POLE: variants seen among roughly 807,000 people sequenced by gnomAD.
POLE encodes DNA polymerase epsilon catalytic subunit A.
A neutral mutation model predicts 279.2 loss-of-function variants in POLE; 188 were observed. The ratio of observed to expected loss-of-function variants is 0.67; its 90% CI spans 0.60 to 0.76. The LOEUF is 0.76. Among genes scored for constraint, POLE ranks in the 30% least tolerant of loss-of-function variants. The pLI is 0.00. For missense variants in POLE, 2,703 were observed against 3,016.7 expected (o/e 0.90, Z 2.44); for synonymous variants, 1,214 against 1,172.5 (o/e 1.04, Z -0.72).
intron 45 of POLE, among the ~76,000 whole-genome samples, chr12:132,629,197 T>C (rs529860289): frequency 1.3e-5 from 2 of 152,330 alleles, no homozygotes; most frequent in Admixed American, 6.5e-5. Flanking sequence ...CCACTGTCAA[T>C]GAGCAGTACT....
rs757774039 is a variant in POLE, at chr12:132,634,295, T to TTCC, written c.5892_5894dup (p.Glu1966dup). 2 of 1,614,216 alleles carry TTCC rather than the reference T, an allele frequency of 1.2e-6. No homozygotes were observed. Among genetic ancestry groups the TTCC allele is most frequent in the East Asian group, 2.2e-5 (1 of 44,884 alleles). On this transcript the variant is annotated inframe_insertion, in exon 43 of 49. Transcript: ENST00000320574. This position sits in a 1 kb window ranked among gnomAD's most constrained non-coding sequence, Gnocchi z 4.0. ...CCTCCACGTTGGATTCCTCCGCCTC[T>TTCC]TCCTCCTCCTCCCCATCTCTTTCCT... is the stretch of plus-strand genomic sequence containing the variant.
intron 5 of POLE, 127 bp downstream of exon 5, chr12:132,679,827 T>C: frequency 4.1e-6 from 4 of 985,828 alleles, no homozygotes; most frequent in Admixed American, 2.4e-5. Flanking sequence ...AGGAATTTTA[T>C]AGACGGTCAC....
Position 132,687,329 on chromosome 12 carries a change from A to G in POLE, c.-14T>C, listed in dbSNP as rs2043300854. 1.3e-6 allele frequency: 2 copies of G among 1,494,426 alleles called. No individual in the cohort carries two copies. The allele number at this position is 1,494,426 out of a possible 1,614,324, so 92.6% of individuals were successfully genotyped here. A position where few individuals can be genotyped will look rare whatever the true frequency, so the allele number is the denominator to read the frequency against. ...CCTCAGAGACATGGAGCCGTTGGCT[A>G]CCACCTCTGCTTCAGGGGAGAAATT... is the stretch of plus-strand genomic sequence containing the variant. On this transcript the variant is annotated 5_prime_UTR_variant, in exon 1 of 49. Transcript: ENST00000320574.
At chr12:132,646,600 G>A (rs1251471862) in intron 32 of POLE, among the ~76,000 whole-genome samples, 3 of 151,550 alleles carry the variant, frequency 2.0e-5, no homozygotes, top group African/African-American at 7.3e-5. Flanking sequence ...GGGAGGCCGA[G>A]GTGGATGGAT....
chr12:132,673,552 C>G lies in POLE; in HGVS notation c.1359+23G>C, dbSNP rs2135998807. Reference sequence around the variant, plus strand: ...GGATGCGTGCACACGGCAGCAGGGGCAGCCGGGATGTGGCTTACGTGCCTG... The same window carrying G: ...GGATGCGTGCACACGGCAGCAGGGGGAGCCGGGATGTGGCTTACGTGCCTG... On this transcript the variant is annotated intron_variant, in intron 13 of 48. Transcript: ENST00000320574. 1.9e-6 allele frequency: 3 copies of G among 1,595,380 alleles called. 1 individual carries two copies. The highest frequency in any genetic ancestry group is 2.2e-5 in the South Asian group (2 of 89,932).
chr12:132,675,943 GC>G lies in POLE; in HGVS notation c.1021-124del. On this transcript the variant is annotated intron_variant, in intron 10 of 48. Coordinates refer to ENST00000320574, the MANE Select transcript of POLE (RefSeq NM_006231.4). The surrounding 1 kb of genome is among the most constrained non-coding windows in gnomAD (Gnocchi z 4.3). ...GCCCTTATTCCTGCCCCGCCCCTCC[GC>G]CCGTCTCTGGCAGAAAAGACGGTCA... The G allele has an allele frequency of 1.1e-6, 1 of 945,522 alleles. No individual in the cohort carries two copies. Among genetic ancestry groups the G allele is most frequent in the South Asian group, 1.4e-5 (1 of 70,250 alleles). 58.6% of individuals were successfully genotyped at this position (945,522 alleles called of 1,614,324 possible).
chr12:132,639,422 G>T lies in POLE; in HGVS notation c.5379-124C>A. On this transcript the variant is annotated intron_variant, in intron 39 of 48. Transcript: ENST00000320574. The surrounding 1 kb of genome is among the most constrained non-coding windows in gnomAD (Gnocchi z 4.7). ...GGCTGGGTCCAAATCCGTCACTGTCGCCTCCCCTTCTCACTGTCCCCACCT... is the reference window on the plus strand; with the variant it reads ...GGCTGGGTCCAAATCCGTCACTGTCTCCTCCCCTTCTCACTGTCCCCACCT... 1.2e-6 allele frequency: 1 copy of T among 811,716 alleles called. No individual in the cohort carries two copies. The highest frequency in any genetic ancestry group is 2.0e-6 in the Non-Finnish European group (1 of 510,816). The allele number at this position is 811,716 out of a possible 1,614,324, so 50.3% of individuals were successfully genotyped here.
intron 29 of POLE, among the ~76,000 whole-genome samples, chr12:132,656,845 T>C (rs1404813330): frequency 6.6e-6 from 1 of 152,248 alleles, no homozygotes; most frequent in African/African-American, 2.4e-5. Context: ...AAACTGGGGC[T>C]TCAAGAGACA....
Position 132,667,516 on chromosome 12 carries a change from T to C in POLE, c.2306A>G (p.Lys769Arg), listed in dbSNP as rs2135969307. ...CTCAGAGCTCACCTTGTGGAGCCCT[T>C]TGAACTCGTAACGCCTGTCCCGGAA... The part of the protein sequence containing the change: ...RAFRDRRYEF[K>R]GLHKVWKKKL... Residue 769 changes from lysine to arginine, a missense_variant, in exon 20 of 49, where the codon AAA (lysine) becomes AGA (arginine). Transcript: ENST00000320574. The C allele has an allele frequency of 6.2e-7, 1 of 1,614,120 alleles. No homozygotes were observed. The highest frequency in any genetic ancestry group is 8.5e-7 in the Non-Finnish European group (1 of 1,179,980).
At chr12:132,627,669 G>A (rs968886275) in intron 45 of POLE, among the ~76,000 whole-genome samples, 1 of 152,206 alleles carries the variant, frequency 6.6e-6, no homozygotes, top group African/African-American at 2.4e-5. Context: ...AACAATGTAT[G>A]TACCTTAATT....
chr12:132,657,067 C>T (rs2042557909), intron 29 of POLE, 69 bp downstream of exon 29: 16 of 1,535,482 alleles, frequency 1.0e-5, no homozygotes, highest in Admixed American at 1.7e-5. Context: ...CACACAGCAG[C>T]GCAAGAAGCC....
chr12:132,659,660 T>C, intron 25 of POLE, 151 bp from the exon 26 acceptor site: 2 of 625,628 alleles, frequency 3.2e-6, no homozygotes, highest in Non-Finnish European at 5.6e-6. Context: ...TGTGTGGCAA[T>C]ACTTTAAAAC....
rs2043060935 is a variant in POLE at position 132,676,654 on chromosome 12, C to CT, written c.802-2dup. The CT allele has an allele frequency of 2.5e-6, 4 of 1,602,378 alleles. No homozygotes were observed. The East Asian group carries it at 8.9e-5, about 36-fold the overall frequency. ...TGTCAAATGCCAAAACCACAGGGTC[C>CT]TGTGGGGACAAAATAAGCATAAAGC... is the stretch of plus-strand genomic sequence containing the variant. On this transcript the variant is annotated splice_acceptor_variant, in intron 8 of 48. Coordinates refer to ENST00000320574, the MANE Select transcript of POLE (RefSeq NM_006231.4). LOFTEE classifies it high-confidence loss of function.
At chr12:132,645,785 GACACACACACACACCC>G (rs906079078) in intron 32 of POLE, among the ~76,000 whole-genome samples, 4 of 118,582 alleles carry the variant, frequency 3.4e-5, no homozygotes, top group African/African-American at 1.6e-4. Context: ...AAATTAGACC[GACACACACACACACCC>G]ACACACACAC....
intron 42 of POLE, among the ~76,000 whole-genome samples, chr12:132,635,653 A>G (rs1358571209): frequency 6.6e-6 from 1 of 152,180 alleles, no homozygotes; most frequent in Admixed American, 6.5e-5. Flanking sequence ...TCACCACCTC[A>G]TGGGCCTCCA....
chr12:132,633,315 A>C (rs2041972034), intron 43 of POLE: 1 of 153,462 alleles, frequency 6.5e-6, no homozygotes, highest in Non-Finnish European at 1.4e-5. Flanking sequence ...AGGTGTGCGC[A>C]CCACACCTGG....
intron 33 of POLE, 104 bp downstream of exon 33, chr12:132,643,733 A>C (rs927489062): frequency 4.8e-6 from 7 of 1,469,680 alleles, no homozygotes; most frequent in Non-Finnish European, 6.5e-6. Flanking sequence ...GAACGAGTCC[A>C]CTGTCGCTGC....
chr12:132,626,619 A>G (rs955225835), intron 45 of POLE, among the ~76,000 whole-genome samples: 4 of 152,170 alleles, frequency 2.6e-5, no homozygotes, highest in Admixed American at 2.6e-4. Flanking sequence ...ATCCCCTGAT[A>G]CTAGAACCAA....
intron 1 of POLE, among the ~76,000 whole-genome samples, chr12:132,682,987 A>G (rs1565983378): frequency 6.6e-6 from 1 of 152,074 alleles, no homozygotes; most frequent in Non-Finnish European, 1.5e-5. Context: ...ACAAGATAAA[A>G]AAAGAAAGGA....
Sources: allele counts gnomAD v4.1 joint callset (sites outside exome capture counted in the v4.1 genomes callset), GRCh38; gene constraint gnomAD v4.1.1; non-coding constraint Gnocchi (gnomAD v3.1); transcripts MANE v1.5; gene names NCBI Gene and HGNC (gene_info 2026-07-23, HGNC 2026-07-21).